SLC3A1: variants seen among roughly 807,000 people sequenced by gnomAD.
The protein encoded by SLC3A1 is amino acid transporter heavy chain SLC3A1.
Under a neutral mutation model 60.3 loss-of-function variants are expected in SLC3A1, and 78 were observed. The ratio of observed to expected loss-of-function variants is 1.29; its 90% confidence interval spans 1.08 to 1.56. The LOEUF (loss-of-function observed/expected upper bound fraction) is 1.56. Ranked by LOEUF, SLC3A1 falls within the 40% of genes most tolerant of loss-of-function variation. The pLI, the probability that SLC3A1 is intolerant of heterozygous loss-of-function variation, is 0.00. For missense variants in SLC3A1, 1,172 were observed against 858.9 expected, an observed-to-expected ratio of 1.36 and a Z score of -4.56; for synonymous variants, 392 against 307.9, an observed-to-expected ratio of 1.27 and a Z score of -2.86.
chr2:44,297,361 G>A (rs1240902571), intron 4 of SLC3A1, among the ~76,000 whole-genome samples: 2 of 152,084 alleles, frequency 1.3e-5, no homozygotes, highest in African/African-American at 4.8e-5. Context: ...CGGTCACCTG[G>A]TCCTCCCACC....
intron 6 of SLC3A1, among the ~76,000 whole-genome samples, chr2:44,303,321 G>A (rs1382230453): frequency 5.5e-5 from 8 of 144,786 alleles, no homozygotes; most frequent in Admixed American, 3.5e-4. Context: ...TCATCTCACT[G>A]CAACCTTCAC....
At chr2:44,299,485 G>A (rs1241113100) in intron 4 of SLC3A1, among the ~76,000 whole-genome samples, 1 of 152,104 alleles carries the variant, frequency 6.6e-6, no homozygotes, top group Non-Finnish European at 1.5e-5. Context: ...ACTCCTAGCA[G>A]GAGATCCTTT....
At chr2:44,308,419 T>C (rs1672210598) in intron 7 of SLC3A1, among the ~76,000 whole-genome samples, 2 of 152,232 alleles carry the variant, frequency 1.3e-5, no homozygotes, top group Non-Finnish European at 2.9e-5. Flanking sequence ...TGAATCTGTT[T>C]ATCATTTTTG....
chr2:44,317,602 CATT>C (rs1019577978), intron 9 of SLC3A1: 4 of 152,220 alleles, frequency 2.6e-5, no homozygotes, highest in Non-Finnish European at 4.4e-5. Context: ...CATTGAGAAA[CATT>C]ATTTTCAAGT....
At chr2:44,313,798 C>A (rs1672356385) in intron 8 of SLC3A1, 37 bp from the exon 9 acceptor site, 11 of 1,489,538 alleles carry the variant, frequency 7.4e-6, no homozygotes, top group Non-Finnish European at 1.0e-5. Flanking sequence ...TTCTAATAAC[C>A]AAACCACTGT....
At chr2:44,286,864 G>T (rs1053076988) in intron 4 of SLC3A1, among the ~76,000 whole-genome samples, 1 of 152,030 alleles carries the variant, frequency 6.6e-6, no homozygotes, top group Non-Finnish European at 1.5e-5. Context: ...GTCTGTGACA[G>T]TGAGCTGCTG....
chr2:44,307,624 G>A (rs183644824), intron 7 of SLC3A1, among the ~76,000 whole-genome samples: 50 of 148,118 alleles, frequency 3.4e-4, no homozygotes, highest in Non-Finnish European at 6.1e-4. Context: ...ATTTTCATGT[G>A]CTTATTGGAC....
chr2:44,293,408 T>C (rs1045801971), intron 4 of SLC3A1, among the ~76,000 whole-genome samples: 30 of 151,942 alleles, frequency 2.0e-4, no homozygotes, highest in Non-Finnish European at 2.2e-4. Context: ...TCCCAACTAC[T>C]TGGGACGCTG....
intron 4 of SLC3A1, among the ~76,000 whole-genome samples, chr2:44,293,480 G>T (rs759961168): frequency 4.0e-5 from 6 of 151,690 alleles, no homozygotes; most frequent in Non-Finnish European, 8.8e-5. Context: ...TCATGCCACT[G>T]CACTCCAGCC....
At position 44,304,323 on chromosome 2, in the gene SLC3A1, A is replaced by G. The variant is rs995990487; in HGVS notation, c.1317A>G (p.Lys439=). Residue 439 remains lysine (K), a synonymous_variant, in exon 7 of 10, where the codon AAA becomes AAG. Coordinates refer to ENST00000260649, the MANE Select transcript of SLC3A1 (RefSeq NM_000341.4). ...TSWMENMPEG[K]WPNWMIGGPD... ...GGATGGAAAACATGCCAGAAGGAAA[A>G]TGGCCTAACTGGATGGTAAGTCCTC... 6.2e-7 allele frequency: 1 copy of G among 1,613,856 alleles called. No homozygotes were observed. Among genetic ancestry groups the G allele is most frequent in the Non-Finnish European group, 8.5e-7 (1 of 1,179,818 alleles).
At position 44,320,097 on chromosome 2, in the gene SLC3A1, G is replaced by C. The variant is rs17032122; in HGVS notation, c.1618-102G>C. On this transcript the variant is annotated intron_variant, in intron 9 of 9. Transcript: ENST00000260649. Reference sequence around the variant, plus strand: ...TTGGCAATTATAAGGGGCAAAATTGGAGCAAGTGTTTTGGGTAAATAACTC... The same window carrying C: ...TTGGCAATTATAAGGGGCAAAATTGCAGCAAGTGTTTTGGGTAAATAACTC... 11,156 of 1,025,554 alleles carry C rather than the reference G, an allele frequency of 0.011. 826 individuals are homozygous for C. In the African/African-American group the frequency reaches 0.16, roughly 15 times the overall value. The allele number at this position is 1,025,554 out of a possible 1,614,324, so 63.5% of individuals were successfully genotyped here. A position where few individuals can be genotyped will look rare whatever the true frequency, so the allele number is the denominator to read the frequency against.
At chr2:44,287,074 C>T (rs537858762) in intron 4 of SLC3A1, among the ~76,000 whole-genome samples, 22 of 152,142 alleles carry the variant, frequency 1.4e-4, no homozygotes, top group African/African-American at 5.3e-4. Flanking sequence ...TAACATATTG[C>T]CTACTCCGTG....
At chr2:44,279,154 G>A (rs950573681) in intron 1 of SLC3A1, among the ~76,000 whole-genome samples, 4 of 151,618 alleles carry the variant, frequency 2.6e-5, no homozygotes, top group South Asian at 4.2e-4. Flanking sequence ...ATGCACCATC[G>A]TCCCCAGCTA....
chr2:44,314,402 A>T, intron 9 of SLC3A1: 2 of 250,576 alleles, frequency 8.0e-6, no homozygotes, highest in Non-Finnish European at 1.5e-5. Flanking sequence ...GCCATACATG[A>T]TCCTTAAAGT....
intron 4 of SLC3A1, among the ~76,000 whole-genome samples, chr2:44,296,417 A>G (rs1385480310): frequency 6.6e-6 from 1 of 152,212 alleles, no homozygotes; most frequent in Non-Finnish European, 1.5e-5. Context: ...TACTTATTGA[A>G]TGAATGAATT....
intron 1 of SLC3A1, among the ~76,000 whole-genome samples, chr2:44,279,037 C>T (rs1054338444): frequency 4.0e-5 from 6 of 150,742 alleles, no homozygotes; most frequent in Admixed American, 1.3e-4. Context: ...CTCACTCTGT[C>T]ACCTAGGCTG....
At chr2:44,303,816 T>G in intron 6 of SLC3A1, 21 of 475,328 alleles carry the variant, frequency 4.4e-5, no homozygotes, top group Non-Finnish European at 5.8e-5. Context: ...CACCTATGAG[T>G]GAGAACATGC....
rs1671323108 is a variant in SLC3A1, at chr2:44,275,652, C to T, written c.117C>T (p.Ser39=). Residue 39 remains serine (S), a synonymous_variant, in exon 1 of 10, where the codon AGC becomes AGT. Transcript: ENST00000260649. The part of the protein sequence containing the change: ...DILEQTPDPG[S]STDNLKHSTR... The stretch of plus-strand genomic sequence containing the variant: ...TGGAGCAGACCCCGGATCCAGGAAG[C>T]TCAACAGACAACCTGAAGCACAGCA... 1 of 1,614,076 alleles carries T rather than the reference C, an allele frequency of 6.2e-7. No individual in the cohort carries two copies. Among genetic ancestry groups the T allele is most frequent in the African/African-American group, 1.3e-5 (1 of 74,950 alleles).
intron 8 of SLC3A1, 69 bp downstream of exon 8, chr2:44,312,822 A>G (rs1215815181): frequency 3.0e-6 from 4 of 1,339,288 alleles, no homozygotes; most frequent in Non-Finnish European, 4.2e-6. Context: ...ATTTTTTGCC[A>G]AATCAGAGAA....
Sources: gnomAD v4.1 joint callset for allele counts (sites outside exome capture counted in the v4.1 genomes callset) on GRCh38, gnomAD v4.1.1 for gene constraint, MANE v1.5 for transcripts, NCBI Gene and HGNC (gene_info 2026-07-23, HGNC 2026-07-21) for gene names.